Variants in GOLGA6L2 observed in about 807,000 individuals in gnomAD.
The protein encoded by GOLGA6L2 is golgin subfamily A member 6-like protein 2.
Under a neutral mutation model 35.9 loss-of-function variants are expected in GOLGA6L2, and 30 were observed. The observed-to-expected ratio is 0.83, with a 90% CI of 0.62 to 1.13. The LOEUF (loss-of-function observed/expected upper bound fraction) is 1.13. GOLGA6L2 is among the 50% of genes most tolerant of loss of function. The probability of loss-of-function intolerance (pLI) is 0.00; values close to 1 mark genes in which losing one functional copy is unlikely to be tolerated. For synonymous variants in GOLGA6L2, 297 were observed against 344.0 expected, an observed-to-expected ratio of 0.86 and a Z score of 1.51; for missense variants, 821 against 973.4, an observed-to-expected ratio of 0.84 and a Z score of 2.08.
chr15:23,443,918 A>T lies in GOLGA6L2; in HGVS notation c.450T>A (p.Ser150Arg). The stretch of plus-strand genomic sequence containing the variant: ...GAGAGGTTGAGACACAGCCCAAAGG[A>T]CTCCCCCTAAAGGCCTGTGAAAGTG... The part of the protein sequence containing the change: ...NLALSQAFRG[S>R]PLGCVSTSLI... The change falls in exon 5 of 8, where the codon AGT becomes AGA. Residue 150 changes from serine (S) to arginine (R), a missense_variant. This residue lies in a region of GOLGA6L2 where 614 missense variants were observed against 632.3 expected (regional missense o/e 0.97). Coordinates refer to ENST00000567107, the MANE Select transcript of GOLGA6L2 (RefSeq NM_001304388.2). 1 of 1,549,380 alleles carries T rather than the reference A, an allele frequency of 6.5e-7. No homozygotes were observed. The highest frequency in any genetic ancestry group is 8.7e-7 in the Non-Finnish European group (1 of 1,154,126).
chr15:23,443,637 T>A, intron 5 of GOLGA6L2, 140 bp downstream of exon 5: 1 of 803,266 alleles, frequency 1.2e-6, no homozygotes, highest in South Asian at 1.5e-5. Context: ...CTGCCTCTAA[T>A]AACCACACAC....
Position 23,444,015 on chromosome 15 carries a change from A to G in GOLGA6L2, c.353T>C (p.Leu118Pro). 1 of 1,551,998 alleles carries G rather than the reference A, an allele frequency of 6.4e-7. No homozygotes were observed. The highest frequency in any genetic ancestry group is 8.7e-7 in the Non-Finnish European group (1 of 1,155,068). ...TCQKTELETA[L>P]YYSQDAARKF... is the part of the protein sequence containing the mutation. The stretch of plus-strand genomic sequence containing the variant: ...CCTGGCAGCATCCTGGCTGTAATAG[A>G]GCGCTGTCTCCAGTTCAGTTTTCTG... Residue 118 changes from leucine (L) to proline (P), a missense_variant, in exon 5 of 8, where the codon CTC (leucine) becomes CCC (proline). Coordinates refer to ENST00000567107, the MANE Select transcript of GOLGA6L2 (RefSeq NM_001304388.2).
In GOLGA6L2 at chr15:23,441,499, G is replaced by T. The variant is rs570180093; in HGVS notation, c.976C>A (p.Gln326Lys). 2.8e-5 allele frequency: 39 copies of T among 1,398,402 alleles called. No homozygotes were observed. In the African/African-American group the frequency reaches 5.0e-4, roughly 18 times the overall value. 86.6% of individuals were successfully genotyped at this position (1,398,402 alleles called of 1,614,324 possible). A position where few individuals can be genotyped will look rare whatever the true frequency, so the allele number is the denominator to read the frequency against. Reference protein sequence around the residue: ...MRRQEKRLREQEKELREQEKE... With the variant: ...MRRQEKRLREKEKELREQEKE... Reference sequence around the variant, plus strand: ...TCCTGCTCCCGCAGCTCCTTCTCCTGCTCTCGCAGCCTCTTCTCCTGTCTC... The same window carrying T: ...TCCTGCTCCCGCAGCTCCTTCTCCTTCTCTCGCAGCCTCTTCTCCTGTCTC... The change falls in exon 8 of 8, where the codon CAG becomes AAG. Residue 326 changes from glutamine (Q) to lysine (K), a missense_variant. Physicochemically the swap from Gln to Lys is moderately conservative, Grantham distance 53. This residue lies in a region of GOLGA6L2 where 614 missense variants were observed against 632.3 expected (regional missense o/e 0.97). Coordinates refer to ENST00000567107, the MANE Select transcript of GOLGA6L2 (RefSeq NM_001304388.2).
chr15:23,444,336 C>T, intron 3 of GOLGA6L2, 124 bp from the exon 4 acceptor site: 1 of 1,471,002 alleles, frequency 6.8e-7, no homozygotes, highest in South Asian at 1.2e-5. Context: ...TTATCAGGGA[C>T]CCTGTGGGGA....
intron 1 of GOLGA6L2, 130 bp downstream of exon 1, chr15:23,446,968 G>C (rs1162115786): frequency 1.6e-5 from 9 of 566,862 alleles, no homozygotes; most frequent in African/African-American, 1.6e-4. Context: ...GATTGGGGGA[G>C]CCCAGCGGCA....
Position 23,441,070 on chromosome 15 carries a change from G to A in GOLGA6L2, c.1405C>T (p.Gln469Ter), listed in dbSNP as rs796983555. ...TCCTGCTTCTGCATCTTCTCCTCCTGCTCCCGCATCGTCTCCTCCTCTTCC... is the reference window on the plus strand; with the variant it reads ...TCCTGCTTCTGCATCTTCTCCTCCTACTCCCGCATCGTCTCCTCCTCTTCC... ...MREEEETMRE[Q>*]EEKMQKQEEN... Residue 469 changes from glutamine to a stop codon, truncating the protein, a stop_gained, in exon 8 of 8, where the codon CAG becomes TAG. Transcript: ENST00000567107. LOFTEE classifies it low-confidence loss of function (END_TRUNC). 2.2e-6 allele frequency: 3 copies of A among 1,333,970 alleles called. No homozygotes were observed. Among genetic ancestry groups the A allele is most frequent in the Non-Finnish European group, 3.1e-6 (3 of 981,656 alleles). The allele number at this position is 1,333,970 out of a possible 1,614,324, so 82.6% of individuals were successfully genotyped here. A position where few individuals can be genotyped will look rare whatever the true frequency, so the allele number is the denominator to read the frequency against.
chr15:23,440,908 GGTCCCGTA>G lies in GOLGA6L2; in HGVS notation c.1559_1566del (p.Ile520ThrfsTer124). The G allele has an allele frequency of 7.1e-7, 1 of 1,405,124 alleles. No individual in the cohort carries two copies. The highest frequency in any genetic ancestry group is 1.3e-5 in the South Asian group (1 of 76,154). The allele number at this position is 1,405,124 out of a possible 1,614,324, so 87.0% of individuals were successfully genotyped here. A position where few individuals can be genotyped will look rare whatever the true frequency, so the allele number is the denominator to read the frequency against. On this transcript the variant is annotated frameshift_variant, in exon 8 of 8. Transcript: ENST00000567107. LOFTEE classifies it low-confidence loss of function (END_TRUNC). Reference sequence around the variant, plus strand: ...TTCTCCTGCCCCCACATCTCCTCCTGGTCCCGTATCTTCTCCTCCTGCTCCCATATCTT... The same window carrying G: ...TTCTCCTGCCCCCACATCTCCTCCTGTCTTCTCCTCCTGCTCCCATATCTT...
chr15:23,444,510 G>A lies in GOLGA6L2; in HGVS notation c.214-10C>T. The A allele has an allele frequency of 1.9e-6, 3 of 1,599,384 alleles. No individual in the cohort carries two copies. The highest frequency in any genetic ancestry group is 2.5e-6 in the Non-Finnish European group (3 of 1,179,636). On this transcript the variant is annotated splice_polypyrimidine_tract_variant and intron_variant, in intron 2 of 7. Transcript: ENST00000567107. Reference sequence around the variant, plus strand: ...CTCGGTTCTGTTGTGTCTGTGGGGAGAGTCAAAGGAAGGTGACTGAGGGTG... The same window carrying A: ...CTCGGTTCTGTTGTGTCTGTGGGGAAAGTCAAAGGAAGGTGACTGAGGGTG...
Position 23,441,081 on chromosome 15 carries a change from G to GTCTCCTCCTCCTCCCGCATCT in GOLGA6L2, c.1393_1394insAGATGCGGGAGGAGGAGGAGA (p.Lys458_Glu464dup), listed in dbSNP as rs1566737582. On this transcript the variant is annotated inframe_insertion, in exon 8 of 8. Transcript: ENST00000567107. ...CATCTTCTCCTCCTGCTCCCGCATC[G>GTCTCCTCCTCCTCCCGCATCT]TCTCCTCCTCTTCCCGCATCTTCTT... 7.7e-7 allele frequency: 1 copy of GTCTCCTCCTCCTCCCGCATCT among 1,294,008 alleles called. No individual in the cohort carries two copies. The highest frequency in any genetic ancestry group is 3.7e-5 in the East Asian group (1 of 27,142). The allele number at this position is 1,294,008 out of a possible 1,614,324, so 80.2% of individuals were successfully genotyped here.
intron 3 of GOLGA6L2, 31 bp from the exon 4 acceptor site, chr15:23,444,243 A>G (rs1264761616): frequency 1.9e-6 from 3 of 1,597,964 alleles, no homozygotes; most frequent in Non-Finnish European, 1.7e-6. Context: ...AGCTCTTACT[A>G]GGGGGAGGCA....
chr15:23,442,406 G>A lies in GOLGA6L2; in HGVS notation c.650+44C>T, dbSNP rs780711629. 35 of 1,423,724 alleles carry A rather than the reference G, an allele frequency of 2.5e-5. 1 individual carries two copies. The South Asian group carries it at 3.7e-4, about 15-fold the overall frequency. The allele number at this position is 1,423,724 out of a possible 1,614,324, so 88.2% of individuals were successfully genotyped here. A position where few individuals can be genotyped will look rare whatever the true frequency, so the allele number is the denominator to read the frequency against. On this transcript the variant is annotated intron_variant, in intron 6 of 7. Transcript: ENST00000567107. ...CCCCACCTCCCAGCACACCACCCAC[G>A]CTAAGGGCCCCCAGACCTCCCATCC...
Position 23,439,370 on chromosome 15 carries a change from C to G in GOLGA6L2, c.*375G>C. Reference sequence around the variant, plus strand: ...AGGTGATCCACCCCCTCTAGGTCTCCCAAAGTGCTGCGGTTGTAGGTTTCG... The same window carrying G: ...AGGTGATCCACCCCCTCTAGGTCTCGCAAAGTGCTGCGGTTGTAGGTTTCG... On this transcript the variant is annotated 3_prime_UTR_variant, in exon 8 of 8. Transcript: ENST00000567107. 2.7e-6 allele frequency: 1 copy of G among 367,272 alleles called. No individual in the cohort carries two copies. Among genetic ancestry groups the G allele is most frequent in the Non-Finnish European group, 5.1e-6 (1 of 196,316 alleles). 22.8% of individuals were successfully genotyped at this position (367,272 alleles called of 1,614,324 possible).
At position 23,441,080 on chromosome 15, in the gene GOLGA6L2, C is replaced by T. The variant is rs192713391; in HGVS notation, c.1395G>A (p.Thr465=). The T allele has an allele frequency of 1.1e-4, 176 of 1,533,114 alleles. No individual in the cohort carries two copies. The highest frequency in any genetic ancestry group is 1.4e-4 in the Non-Finnish European group (161 of 1,141,570). 95.0% of individuals were successfully genotyped at this position (1,533,114 alleles called of 1,614,324 possible). A position where few individuals can be genotyped will look rare whatever the true frequency, so the allele number is the denominator to read the frequency against. The stretch of plus-strand genomic sequence containing the variant: ...GCATCTTCTCCTCCTGCTCCCGCAT[C>T]GTCTCCTCCTCTTCCCGCATCTTCT... ...REKKMREEEE[T]MREQEEKMQK... is the part of the protein sequence containing the mutation. The change falls in exon 8 of 8, where the codon ACG becomes ACA. Residue 465 remains threonine (T), a synonymous_variant. Coordinates refer to ENST00000567107, the MANE Select transcript of GOLGA6L2 (RefSeq NM_001304388.2).
Position 23,443,928 on chromosome 15 carries a change from A to C in GOLGA6L2, c.440T>G (p.Phe147Cys), listed in dbSNP as rs753327119. 1 of 1,554,144 alleles carries C rather than the reference A, an allele frequency of 6.4e-7. No homozygotes were observed. Among genetic ancestry groups the C allele is most frequent in the African/African-American group, 1.4e-5 (1 of 73,744 alleles). ...SSFNLALSQA[F>C]RGSPLGCVST... ...GACACAGCCCAAAGGACTCCCCCTA[A>C]AGGCCTGTGAAAGTGCCAGGTTGAA... is the stretch of plus-strand genomic sequence containing the variant. Residue 147 changes from phenylalanine (F) to cysteine (C), a missense_variant, in exon 5 of 8, where the codon TTT (phenylalanine) becomes TGT (cysteine). Transcript: ENST00000567107.
chr15:23,441,776 C>T (rs2070696326), intron 7 of GOLGA6L2, 94 bp from the exon 8 acceptor site: 2 of 1,393,246 alleles, frequency 1.4e-6, no homozygotes, highest in Admixed American at 2.9e-5. Context: ...ATTTTTAAGC[C>T]TTAACACTGA....
chr15:23,444,351 G>C (rs1177601760), intron 3 of GOLGA6L2, 120 bp downstream of exon 3: 2 of 1,473,104 alleles, frequency 1.4e-6, no homozygotes, highest in Non-Finnish European at 1.9e-6. Context: ...TGGGGATGGG[G>C]TGGAATCTTG....
intron 3 of GOLGA6L2, 84 bp downstream of exon 3, chr15:23,444,385 TGG>T: frequency 1.3e-6 from 2 of 1,510,384 alleles, no homozygotes; most frequent in Non-Finnish European, 1.8e-6. Context: ...TTCCCCAAGC[TGG>T]GAGTAGGCGA....
In GOLGA6L2 at chr15:23,439,628, TG is replaced by T; in HGVS notation, c.*116del. 3 of 1,536,494 alleles carry T rather than the reference TG, an allele frequency of 2.0e-6. No homozygotes were observed. The highest frequency in any genetic ancestry group is 2.6e-6 in the Non-Finnish European group (3 of 1,146,922). On this transcript the variant is annotated 3_prime_UTR_variant, in exon 8 of 8. Coordinates refer to ENST00000567107, the MANE Select transcript of GOLGA6L2 (RefSeq NM_001304388.2). Reference sequence around the variant, plus strand: ...GGTACTGCCTAATCCTGGGCACTGCTGGGCGTTCTTCATCCCACAAAACAGC... The same window carrying T: ...GGTACTGCCTAATCCTGGGCACTGCTGGCGTTCTTCATCCCACAAAACAGC...
chr15:23,444,357 T>G, intron 3 of GOLGA6L2, 114 bp downstream of exon 3: 2 of 1,482,084 alleles, frequency 1.3e-6, no homozygotes, highest in Non-Finnish European at 1.9e-6. Flanking sequence ...TGGGGTGGAA[T>G]CTTGGCGGTG....
Sources: gnomAD v4.1 joint callset for allele counts on GRCh38, gnomAD v4.1.1 for gene constraint, gnomAD v4.1.1 regional missense constraint, MANE v1.5 for transcripts, NCBI Gene and HGNC (gene_info 2026-07-23, HGNC 2026-07-21) for gene names.